The following DPF3 variants were observed in gnomAD, a reference collection of about 807,000 sequenced individuals.
The protein encoded by DPF3 is double PHD fingers 3.
A neutral mutation model predicts 56.8 loss-of-function variants in DPF3; 18 were observed. The ratio of observed to expected loss-of-function variants is 0.32; its 90% CI spans 0.22 to 0.47. The LOEUF is 0.47. DPF3 is among the 20% of genes least tolerant of loss of function. The pLI is 1.00. For missense variants in DPF3, 403 were observed against 488.8 expected, an observed-to-expected ratio of 0.82 and a Z score of 1.65; for synonymous variants, 188 against 180.2, an observed-to-expected ratio of 1.04 and a Z score of -0.35.
intron 6 of DPF3, among the ~76,000 whole-genome samples, chr14:72,703,740 G>A (rs772652519): frequency 2.6e-5 from 4 of 152,146 alleles, no homozygotes; most frequent in Non-Finnish European, 4.4e-5. Flanking sequence ...TGTGAGAACT[G>A]CAGGAGTTCA....
In DPF3 at chr14:72,742,265, A is replaced by C. The variant is rs571644171; in HGVS notation, c.302-10331T>G. ...ATAAATGACTGGTCATTTCCCCCTG[A>C]TGCACTTGAAGGCATCCATTCTCCC... On this transcript the variant is annotated intron_variant, in intron 3 of 10. Coordinates refer to ENST00000556509, the MANE Select transcript of DPF3 (RefSeq NM_001280542.3). Among the ~76,000 whole-genome samples the C allele has an allele frequency of 3.4e-4, 51 of 152,170 alleles. 1 individual carries two copies. The highest frequency in any genetic ancestry group is 6.8e-3 in the Middle Eastern group (2 of 294).
intron 8 of DPF3, among the ~76,000 whole-genome samples, chr14:72,644,995 A>T (rs2526918): frequency 6.6e-6 from 1 of 152,224 alleles, no homozygotes; most frequent in South Asian, 2.1e-4. Context: ...TTTTCAGCAC[A>T]GCACTCCAAG....
intron 3 of DPF3, among the ~76,000 whole-genome samples, chr14:72,751,182 C>T (rs1890558345): frequency 6.6e-6 from 1 of 151,926 alleles, no homozygotes; most frequent in Non-Finnish European, 1.5e-5. Flanking sequence ...AGAGCGTGAC[C>T]CTACCCTCTA....
At chr14:72,756,869 A>AAGGAAGGAAGGAAGG (rs1890829629) in intron 2 of DPF3, among the ~76,000 whole-genome samples, 2 of 95,598 alleles carry the variant, frequency 2.1e-5, no homozygotes, top group African/African-American at 8.6e-5. Flanking sequence ...AGAAAGAAAG[A>AAGGAAGGAAGGAAGG]AAGGAAGGAA....
chr14:72,732,617 C>T (rs34696996), intron 3 of DPF3, among the ~76,000 whole-genome samples: 30,522 of 152,078 alleles, frequency 0.2, 3,174 homozygotes, highest in East Asian at 0.25. Flanking sequence ...AGCCACGCCA[C>T]GACCTTTTTT....
At chr14:72,785,425 C>G (rs1013460936) in intron 1 of DPF3, among the ~76,000 whole-genome samples, 2 of 152,148 alleles carry the variant, frequency 1.3e-5, no homozygotes, top group African/African-American at 4.8e-5. Flanking sequence ...ATCTATGTGG[C>G]CTTGTTAATA....
intron 1 of DPF3, among the ~76,000 whole-genome samples, chr14:72,884,971 T>TGTATATATATATATATATA (rs10523148): frequency 6.3e-5 from 7 of 111,674 alleles, no homozygotes; most frequent in Non-Finnish European, 1.1e-4. Context: ...TATATATATA[T>TGTATATATATATATATATA]TAGCCGGGCG....
At chr14:72,849,245 C>T (rs962889032) in intron 1 of DPF3, among the ~76,000 whole-genome samples, 10 of 152,174 alleles carry the variant, frequency 6.6e-5, no homozygotes, top group African/African-American at 1.2e-4. Flanking sequence ...TCTCAATAGA[C>T]GCCACAGGCA....
rs77708523 is a variant in DPF3 at position 72,616,254 on chromosome 14, G to A, written c.*3043C>T. ...TGGCAGTGTTGGTCGGAAAGTGAGCGTTACCCATGAACTGAAACAAATCAT... is the reference window on the plus strand; with the variant it reads ...TGGCAGTGTTGGTCGGAAAGTGAGCATTACCCATGAACTGAAACAAATCAT... On this transcript the variant is annotated 3_prime_UTR_variant, in exon 11 of 11. Transcript: ENST00000556509. 6.2e-4 allele frequency among the ~76,000 whole-genome samples: 95 copies of A among 152,256 alleles called. No homozygotes were observed. The highest frequency in any genetic ancestry group is 3.4e-3 in the Middle Eastern group (1 of 294).
intron 1 of DPF3, among the ~76,000 whole-genome samples, chr14:72,785,731 T>C (rs1301775181): frequency 1.3e-5 from 2 of 152,200 alleles, no homozygotes; most frequent in African/African-American, 2.4e-5. Context: ...AAAGTTAATA[T>C]GGGGCTTCCT....
intron 1 of DPF3, among the ~76,000 whole-genome samples, chr14:72,830,180 T>G (rs1370381626): frequency 6.6e-6 from 1 of 152,188 alleles, no homozygotes; most frequent in Admixed American, 6.5e-5. Flanking sequence ...GATAATATAA[T>G]TTTAAGATGA....
intron 8 of DPF3, among the ~76,000 whole-genome samples, chr14:72,632,537 A>G (rs1313991319): frequency 6.6e-6 from 1 of 151,716 alleles, no homozygotes; most frequent in Non-Finnish European, 1.5e-5. Context: ...ATAAAAAATT[A>G]AATCATCAAA....
intron 1 of DPF3, among the ~76,000 whole-genome samples, chr14:72,863,699 C>T (rs890307841): frequency 2.6e-5 from 4 of 152,092 alleles, no homozygotes; most frequent in African/African-American, 7.2e-5. Flanking sequence ...CTACTGTGTG[C>T]CCAGCAGACC....
At chr14:72,623,812 C>T (rs1884621397) in intron 9 of DPF3, among the ~76,000 whole-genome samples, 2 of 152,132 alleles carry the variant, frequency 1.3e-5, no homozygotes, top group Admixed American at 6.5e-5. Context: ...ACCTCTAGCA[C>T]CCATATTATG....
chr14:72,772,324 ACT>A (rs1891569389), intron 1 of DPF3, among the ~76,000 whole-genome samples: 1 of 152,118 alleles, frequency 6.6e-6, no homozygotes, highest in Non-Finnish European at 1.5e-5. Flanking sequence ...CAGCAAAGGC[ACT>A]CTAGGTGAAC....
chr14:72,863,411 G>T (rs1885533659), intron 1 of DPF3, among the ~76,000 whole-genome samples: 2 of 151,790 alleles, frequency 1.3e-5, no homozygotes. Flanking sequence ...AGATTACCGA[G>T]AAAGGGAAGA....
At chr14:72,836,878 T>C (rs1884318997) in intron 1 of DPF3, among the ~76,000 whole-genome samples, 1 of 152,064 alleles carries the variant, frequency 6.6e-6, no homozygotes, top group African/African-American at 2.4e-5. Flanking sequence ...AAAATCACTT[T>C]TTTCTTTTTA....
At chr14:72,875,297 C>T (rs1886069437) in intron 1 of DPF3, among the ~76,000 whole-genome samples, 1 of 152,102 alleles carries the variant, frequency 6.6e-6, no homozygotes. Context: ...GTCCCAGCCA[C>T]TTGGGAAGCT....
chr14:72,859,466 T>TCCC (rs1483909073), intron 1 of DPF3, among the ~76,000 whole-genome samples: 4 of 62,970 alleles, frequency 6.4e-5, no homozygotes, highest in African/African-American at 1.9e-4. Flanking sequence ...CTCTGCAGCT[T>TCCC]CCTCCCCCCC....
Sources: allele counts gnomAD v4.1 joint callset (sites outside exome capture counted in the v4.1 genomes callset), GRCh38; gene constraint gnomAD v4.1.1; transcripts MANE v1.5; gene names NCBI Gene and HGNC (gene_info 2026-07-23, HGNC 2026-07-21).